The following IL16 variants were observed in gnomAD, a reference collection of about 807,000 sequenced individuals.
IL16 encodes interleukin 16, also known as pro-interleukin-16.
A neutral mutation model predicts 110.1 loss-of-function variants in IL16; 67 were observed. The ratio of observed to expected loss-of-function variants is 0.61; its 90% CI spans 0.50 to 0.75. The LOEUF (loss-of-function observed/expected upper bound fraction) is 0.75. Among genes scored for constraint, IL16 ranks in the 30% least tolerant of loss-of-function variants. The probability of loss-of-function intolerance (pLI) is 0.00; values close to 1 mark genes in which losing one functional copy is unlikely to be tolerated. For synonymous variants in IL16, 689 were observed against 662.9 expected, an observed-to-expected ratio of 1.04 and a Z score of -0.61; for missense variants, 1,545 against 1,655.0, an observed-to-expected ratio of 0.93 and a Z score of 1.15.
At chr15:81,251,739 A>G (rs1399251524) in intron 2 of IL16, among the ~76,000 whole-genome samples, 1 of 152,230 alleles carries the variant, frequency 6.6e-6, no homozygotes, top group Non-Finnish European at 1.5e-5. Flanking sequence ...TACTCCTTTC[A>G]AAAATCCCAC....
At chr15:81,288,848 T>TGTGTGC (rs544352797) in intron 10 of IL16, among the ~76,000 whole-genome samples, 14 of 150,754 alleles carry the variant, frequency 9.3e-5, no homozygotes, top group South Asian at 6.2e-4. Context: ...TGTGTGTGTG[T>TGTGTGC]GCGTGTGTGT....
At position 81,204,600 on chromosome 15, in the gene IL16, G is replaced by C. The variant is rs28570162; in HGVS notation, c.-102+7448G>C. On this transcript the variant is annotated intron_variant, in intron 1 of 18. Coordinates refer to ENST00000683961, the MANE Select transcript of IL16 (RefSeq NM_172217.5). ...GATAATCATGTGGTTTTTGTCTTTG[G>C]TTCTGTTTATATGCTGGATTACGTT... Among the ~76,000 whole-genome samples, 781 of 152,124 alleles carry C rather than the reference G, an allele frequency of 5.1e-3. 4 individuals are homozygous for C. Among genetic ancestry groups the C allele is most frequent in the African/African-American group, 0.018 (754 of 41,484 alleles).
At position 81,262,436 on chromosome 15, in the gene IL16, A is replaced by T. The variant is rs191324459; in HGVS notation, c.421+2556A>T. Among the ~76,000 whole-genome samples the T allele has an allele frequency of 2.9e-3, 437 of 152,076 alleles. 4 individuals are homozygous for T. Among genetic ancestry groups the T allele is most frequent in the Non-Finnish European group, 4.2e-3 (287 of 67,996 alleles). On this transcript the variant is annotated intron_variant, in intron 3 of 18. Transcript: ENST00000683961. ...ATCTTTTTTCCCTCAAATTTACTGT[A>T]TTATCTGTAGTTTATTTTTGGTGTT...
chr15:81,241,550 TTCTTA>T (rs1476074181), intron 2 of IL16, among the ~76,000 whole-genome samples: 4 of 152,172 alleles, frequency 2.6e-5, no homozygotes, highest in Non-Finnish European at 4.4e-5. Flanking sequence ...TGCATTGTAA[TTCTTA>T]TCTTTTTAAT....
chr15:81,250,947 T>C (rs1354997214), intron 2 of IL16, among the ~76,000 whole-genome samples: 1 of 152,200 alleles, frequency 6.6e-6, no homozygotes, highest in Non-Finnish European at 1.5e-5. Flanking sequence ...GGGACTGGTA[T>C]TTCTCTTCTC....
intron 1 of IL16, among the ~76,000 whole-genome samples, chr15:81,209,382 GCAGGGGCTTGCAGGAGCTCA>G (rs901639587): frequency 1.3e-5 from 2 of 152,084 alleles, no homozygotes; most frequent in African/African-American, 2.4e-5. Flanking sequence ...ATATGGGCTC[GCAGGGGCTTGCAGGAGCTCA>G]CAGGGGCTTG....
intron 2 of IL16, among the ~76,000 whole-genome samples, chr15:81,239,493 A>T (rs1463502472): frequency 6.6e-6 from 1 of 152,160 alleles, no homozygotes; most frequent in Non-Finnish European, 1.5e-5. Context: ...GACAGAAAAA[A>T]CCTACAGGGC....
intron 5 of IL16, among the ~76,000 whole-genome samples, chr15:81,272,005 G>C (rs921532883): frequency 6.6e-6 from 1 of 152,184 alleles, no homozygotes; most frequent in Non-Finnish European, 1.5e-5. Flanking sequence ...GTCTGTCTAG[G>C]AGCCAAGCTA....
Position 81,272,821 on chromosome 15 carries a change from C to T in IL16, c.676-269C>T, listed in dbSNP as rs556886841. On this transcript the variant is annotated intron_variant, in intron 5 of 18. Transcript: ENST00000683961. ...GGGTGCTGGTCTCCATCCAGCCTCC[C>T]TCTGTGTGGGAAACTTCAGATTCCC... 1.2e-3 allele frequency among the ~76,000 whole-genome samples: 177 copies of T among 152,312 alleles called. 1 individual carries two copies. The highest frequency in any genetic ancestry group is 4.1e-3 in the African/African-American group (169 of 41,572).
At chr15:81,193,628 G>A (rs542433793), upstream of IL16, among the ~76,000 whole-genome samples, 1 of 152,312 alleles carries the variant, frequency 6.6e-6, no homozygotes, top group Admixed American at 6.5e-5. Flanking sequence ...TTCGTATGAA[G>A]TTAAAACCCT....
chr15:81,225,175 T>C, intron 1 of IL16, 124 bp from the exon 2 acceptor site: 3 of 743,678 alleles, frequency 4.0e-6, no homozygotes, highest in Non-Finnish European at 6.3e-6. Flanking sequence ...TCTTAAAGGA[T>C]GATCTGCCCA....
At chr15:81,252,663 A>G (rs373296034) in intron 2 of IL16, among the ~76,000 whole-genome samples, 1 of 152,122 alleles carries the variant, frequency 6.6e-6, no homozygotes, top group East Asian at 1.9e-4. Flanking sequence ...CCCGATCCCT[A>G]ATTACCCACT....
chr15:81,206,059 C>T (rs1896004957), intron 1 of IL16, among the ~76,000 whole-genome samples: 1 of 152,142 alleles, frequency 6.6e-6, no homozygotes, highest in Non-Finnish European at 1.5e-5. Flanking sequence ...TTTCAATGTA[C>T]ACCACTGTTA....
At chr15:81,263,346 A>ATTTTT (rs10717016) in intron 3 of IL16, among the ~76,000 whole-genome samples, 2 of 109,790 alleles carry the variant, frequency 1.8e-5, no homozygotes, top group African/African-American at 4.7e-5. Flanking sequence ...TTCAAAAACT[A>ATTTTT]TTTTTTTTTG....
intron 6 of IL16, among the ~76,000 whole-genome samples, chr15:81,273,813 C>A (rs1898768989): frequency 6.6e-6 from 1 of 152,000 alleles, no homozygotes; most frequent in South Asian, 2.1e-4. Flanking sequence ...CATCAACCCA[C>A]CCCCTCTCAA....
rs556095068 is a variant in IL16, at chr15:81,199,515, C to T, written c.-102+2363C>T. Among the ~76,000 whole-genome samples the T allele has an allele frequency of 9.9e-5, 15 of 152,284 alleles. No individual in the cohort carries two copies. The East Asian group carries it at 2.5e-3, about 25-fold the overall frequency. On this transcript the variant is annotated intron_variant, in intron 1 of 18. Coordinates refer to ENST00000683961, the MANE Select transcript of IL16 (RefSeq NM_172217.5). ...CAACTGGTAATGCTGGACAGTGACC[C>T]GATGCTGGGATCCCGCGTGGAGATC...
At chr15:81,279,439 A>G in intron 7 of IL16, 119 bp from the exon 8 acceptor site, 1 of 640,148 alleles carries the variant, frequency 1.6e-6, no homozygotes, top group South Asian at 1.9e-5. Flanking sequence ...GTATGAATAT[A>G]TGCGCACATT....
intron 2 of IL16, among the ~76,000 whole-genome samples, chr15:81,258,921 A>G (rs1898053077): frequency 6.6e-6 from 1 of 152,178 alleles, no homozygotes; most frequent in Non-Finnish European, 1.5e-5. Context: ...TAACAATCAG[A>G]AAACTTTCAG....
intron 1 of IL16, among the ~76,000 whole-genome samples, chr15:81,209,428 G>C (rs1896153302): frequency 6.6e-6 from 1 of 152,128 alleles, no homozygotes; most frequent in Admixed American, 6.5e-5. Flanking sequence ...ATTTGCTGGA[G>C]GTGGCAGAAG....
Sources: gnomAD v4.1 joint callset for allele counts (sites outside exome capture counted in the v4.1 genomes callset) on GRCh38, gnomAD v4.1.1 for gene constraint, MANE v1.5 for transcripts, NCBI Gene and HGNC (gene_info 2026-07-23, HGNC 2026-07-21) for gene names.